Variants in KIAA0586 observed in about 807,000 individuals in gnomAD.
The protein encoded by KIAA0586 is KIAA0586.
Under a neutral mutation model 169.8 loss-of-function variants are expected in KIAA0586, and 144 were observed. The ratio of observed to expected loss-of-function variants is 0.85; its 90% CI spans 0.74 to 0.97. The LOEUF is 0.97. Ranked by LOEUF, KIAA0586 falls within the 50% of genes least tolerant of loss-of-function variation. The probability of loss-of-function intolerance (pLI) is 0.00; values close to 1 mark genes in which losing one functional copy is unlikely to be tolerated. For synonymous variants in KIAA0586, 625 were observed against 612.4 expected, an observed-to-expected ratio of 1.02 and a Z score of -0.30; for missense variants, 1,854 against 1,823.0, an observed-to-expected ratio of 1.02 and a Z score of -0.31.
At chr14:58,495,180 T>A (rs376345353) in intron 26 of KIAA0586, among the ~76,000 whole-genome samples, 1 of 152,210 alleles carries the variant, frequency 6.6e-6, no homozygotes, top group African/African-American at 2.4e-5. Context: ...AGACCAGCAA[T>A]GCAGAAGTTA....
At chr14:58,532,832 C>T (rs1195258050) in intron 29 of KIAA0586, among the ~76,000 whole-genome samples, 2 of 152,124 alleles carry the variant, frequency 1.3e-5, no homozygotes, top group Non-Finnish European at 2.9e-5. Context: ...ATTTTAAGCT[C>T]GAATGCTATT....
chr14:58,464,672 C>G (rs2040596356), intron 14 of KIAA0586, among the ~76,000 whole-genome samples: 1 of 152,030 alleles, frequency 6.6e-6, no homozygotes, highest in South Asian at 2.1e-4. Context: ...CAGCAGTCCC[C>G]CCTTATTCAT....
chr14:58,449,889 A>G (rs944472379), intron 7 of KIAA0586, among the ~76,000 whole-genome samples: 4 of 152,230 alleles, frequency 2.6e-5, no homozygotes, highest in Non-Finnish European at 4.4e-5. Context: ...GAAAATAAAG[A>G]GTAAAAATTC....
intron 9 of KIAA0586, 63 bp from the exon 10 acceptor site, chr14:58,456,639 T>G: frequency 1.2e-6 from 1 of 843,660 alleles, no homozygotes; most frequent in Non-Finnish European, 1.9e-6. Flanking sequence ...TTACTGAATT[T>G]ACAACAATTT....
chr14:58,494,841 T>C (rs1187573494), intron 26 of KIAA0586, among the ~76,000 whole-genome samples: 1 of 152,156 alleles, frequency 6.6e-6, no homozygotes, highest in Non-Finnish European at 1.5e-5. Context: ...TCCCTGATAT[T>C]ACTCTGGGGC....
At chr14:58,498,276 A>C (rs191290719) in intron 26 of KIAA0586, among the ~76,000 whole-genome samples, 1 of 151,642 alleles carries the variant, frequency 6.6e-6, no homozygotes, top group Non-Finnish European at 1.5e-5. Context: ...CCTGGGTTCA[A>C]GCTAGCCTCC....
chr14:58,428,666 C>CTTT (rs33975443), intron 1 of KIAA0586, among the ~76,000 whole-genome samples: 2 of 74,154 alleles, frequency 2.7e-5, no homozygotes, highest in African/African-American at 4.8e-5. Flanking sequence ...CCCTGTTGTG[C>CTTT]TTTTTTTTTT....
intron 30 of KIAA0586, among the ~76,000 whole-genome samples, chr14:58,541,722 C>CA (rs907322032): frequency 1.3e-5 from 2 of 152,012 alleles, no homozygotes; most frequent in African/African-American, 2.4e-5. Context: ...ATTTTTAAAG[C>CA]AAAAAATTGG....
At chr14:58,449,927 GCTTTTT>G (rs2039220150) in intron 7 of KIAA0586, among the ~76,000 whole-genome samples, 1 of 151,968 alleles carries the variant, frequency 6.6e-6, no homozygotes, top group African/African-American at 2.4e-5. Flanking sequence ...ATTTTTCTAT[GCTTTTT>G]CTTGGGCAAA....
chr14:58,510,176 T>C (rs902166589), intron 28 of KIAA0586, among the ~76,000 whole-genome samples: 2 of 151,994 alleles, frequency 1.3e-5, no homozygotes, highest in African/African-American at 4.8e-5. Context: ...CGAGACCATC[T>C]TGGCCAACAT....
rs1236921799 is a variant in KIAA0586, at chr14:58,490,928, A to G, written c.3858+688A>G. Among the ~76,000 whole-genome samples the G allele has an allele frequency of 3.3e-5, 5 of 152,254 alleles. No individual in the cohort carries two copies. The East Asian group carries it at 9.6e-4, about 29-fold the overall frequency. ...TTGCTGTTTTTTTAAGTTATTTCACATAGGCCTATGAAAATACTTCATTAA... is the reference window on the plus strand; with the variant it reads ...TTGCTGTTTTTTTAAGTTATTTCACGTAGGCCTATGAAAATACTTCATTAA... On this transcript the variant is annotated intron_variant, in intron 25 of 30. Coordinates refer to ENST00000652326, the MANE Select transcript of KIAA0586 (RefSeq NM_001329943.3).
At chr14:58,477,494 G>T (rs943095789) in intron 20 of KIAA0586, among the ~76,000 whole-genome samples, 11 of 151,922 alleles carry the variant, frequency 7.2e-5, no homozygotes, top group Non-Finnish European at 1.3e-4. Flanking sequence ...ATAGTACTTT[G>T]TACATATTTT....
At chr14:58,513,594 C>T (rs1481009042) in intron 29 of KIAA0586, among the ~76,000 whole-genome samples, 2 of 150,718 alleles carry the variant, frequency 1.3e-5, no homozygotes, top group Admixed American at 1.3e-4. Flanking sequence ...TTTTTTTAAC[C>T]TCACCATAGT....
rs563453018 is a variant in KIAA0586 at position 58,427,865 on chromosome 14, A to C, written c.-400A>C. 2.2e-6 allele frequency: 3 copies of C among 1,380,398 alleles called. No individual in the cohort carries two copies. In the Admixed American group the frequency reaches 8.8e-5, roughly 40 times the overall value. 85.5% of individuals were successfully genotyped at this position (1,380,398 alleles called of 1,614,324 possible). A position where few individuals can be genotyped will look rare whatever the true frequency, so the allele number is the denominator to read the frequency against. On this transcript the variant is annotated 5_prime_UTR_variant, in exon 1 of 31. Coordinates refer to ENST00000652326, the MANE Select transcript of KIAA0586 (RefSeq NM_001329943.3). ...AGCTATTACGCTTCTTATGTGGGTC[A>C]TTATTTTAAAAATAGCATTTCGCTT...
At chr14:58,480,583 A>G (rs1359672472) in intron 20 of KIAA0586, among the ~76,000 whole-genome samples, 5 of 152,062 alleles carry the variant, frequency 3.3e-5, no homozygotes, top group Admixed American at 6.5e-5. Context: ...CTGGCATCTC[A>G]TCTTTAGTAT....
intron 14 of KIAA0586, among the ~76,000 whole-genome samples, chr14:58,461,443 A>AT (rs982305187): frequency 8.7e-5 from 13 of 149,426 alleles, no homozygotes; most frequent in South Asian, 2.1e-4. Flanking sequence ...TTTTTTTTTA[A>AT]TTTTTTTTTT....
chr14:58,497,813 T>C (rs2043264534), intron 26 of KIAA0586, among the ~76,000 whole-genome samples: 1 of 152,196 alleles, frequency 6.6e-6, no homozygotes, highest in African/African-American at 2.4e-5. Context: ...TTTTCTGTTA[T>C]TCCCATTTTA....
intron 4 of KIAA0586, among the ~76,000 whole-genome samples, chr14:58,442,495 T>C (rs2038482538): frequency 6.6e-6 from 1 of 152,216 alleles, no homozygotes; most frequent in Non-Finnish European, 1.5e-5. Context: ...TCCAAAATAA[T>C]ATTGCTACCT....
chr14:58,540,666 A>G lies in KIAA0586; in HGVS notation c.4495+530A>G, dbSNP rs571712562. 2.6e-5 allele frequency among the ~76,000 whole-genome samples: 4 copies of G among 152,320 alleles called. No homozygotes were observed. In the South Asian group the frequency reaches 6.2e-4, roughly 24 times the overall value. On this transcript the variant is annotated intron_variant, in intron 30 of 30. Coordinates refer to ENST00000652326, the MANE Select transcript of KIAA0586 (RefSeq NM_001329943.3). ...TTTTAAAATAAGCATTTGTCAACTC[A>G]TTTGAAAAATAAAAAAAGTAATAGG...
Sources: allele counts gnomAD v4.1 joint callset (sites outside exome capture counted in the v4.1 genomes callset), GRCh38; gene constraint gnomAD v4.1.1; transcripts MANE v1.5; gene names NCBI Gene and HGNC (gene_info 2026-07-23, HGNC 2026-07-21).